Variants in SEPTIN7 observed in about 807,000 individuals in gnomAD.
SEPTIN7 encodes septin-7.
Under a neutral mutation model 63.3 loss-of-function variants are expected in SEPTIN7, and 10 were observed. The observed-to-expected ratio is 0.16, with a 90% CI of 0.10 to 0.27. SEPTIN7 has a LOEUF of 0.27. SEPTIN7 is among the 10% of genes least tolerant of loss of function. The pLI is 1.00. For missense variants in SEPTIN7, 310 were observed against 521.0 expected (o/e 0.59, Z 3.94); for synonymous variants, 131 against 165.3 (o/e 0.79, Z 1.59).
chr7:35,817,546 A>T (rs537005433), intron 1 of SEPTIN7, among the ~76,000 whole-genome samples: 9 of 152,178 alleles, frequency 5.9e-5, no homozygotes, highest in African/African-American at 1.2e-4. Context: ...CGTCTGAACT[A>T]TAGGCTTAGT....
chr7:35,913,159 G>A, the SEPTIN7 span, among the ~76,000 whole-genome samples: 150,048 of 152,172 alleles, frequency 0.99, 74,021 homozygotes, highest in East Asian at 1. Context: ...ATCTTCCTCA[G>A]AGGGTTATGG....
At chr7:35,893,430 TAC>T (rs1352078797) in intron 11 of SEPTIN7, among the ~76,000 whole-genome samples, 1 of 152,176 alleles carries the variant, frequency 6.6e-6, no homozygotes, top group African/African-American at 2.4e-5. Flanking sequence ...AATAGTAAAA[TAC>T]ATTCATGTGC....
chr7:35,856,672 C>T (rs1391390156), intron 3 of SEPTIN7, among the ~76,000 whole-genome samples: 1 of 152,132 alleles, frequency 6.6e-6, no homozygotes, highest in Non-Finnish European at 1.5e-5. Flanking sequence ...CTGAATGAGA[C>T]TGGGCTCTTT....
intron 3 of SEPTIN7, among the ~76,000 whole-genome samples, chr7:35,841,453 A>G (rs967945695): frequency 1.3e-5 from 2 of 152,214 alleles, no homozygotes; most frequent in Non-Finnish European, 2.9e-5. Context: ...AAGAAACTCC[A>G]GTGTCGAAAA....
rs573308675 is a variant in SEPTIN7, at chr7:35,834,566, C to G, written c.169+1666C>G. ...CCAAAGAAAAATAGGTGTTAATATCCTTACTTTCAAGTGTTAATATCCTTA... is the reference window on the plus strand; with the variant it reads ...CCAAAGAAAAATAGGTGTTAATATCGTTACTTTCAAGTGTTAATATCCTTA... On this transcript the variant is annotated intron_variant, in intron 3 of 13. Transcript: ENST00000350320. 2.6e-5 allele frequency among the ~76,000 whole-genome samples: 4 copies of G among 152,094 alleles called. No homozygotes were observed. In the South Asian group the frequency reaches 8.3e-4, roughly 31 times the overall value.
intron 11 of SEPTIN7, among the ~76,000 whole-genome samples, chr7:35,893,341 G>T (rs1787763134): frequency 6.6e-6 from 1 of 152,090 alleles, no homozygotes; most frequent in South Asian, 2.1e-4. Flanking sequence ...TTGATCTTTG[G>T]CAATGTATGT....
At chr7:35,870,792 T>C (rs2116205435) in intron 4 of SEPTIN7, among the ~76,000 whole-genome samples, 1 of 140,098 alleles carries the variant, frequency 7.1e-6, no homozygotes, top group Middle Eastern at 3.8e-3. Context: ...TGCCATGCAC[T>C]CCAGCCTGAG....
At position 35,866,733 on chromosome 7, in the gene SEPTIN7, G is replaced by A. The variant is rs1295938037; in HGVS notation, c.276+3075G>A. On this transcript the variant is annotated intron_variant, in intron 4 of 13. Transcript: ENST00000350320. ...AGTGAAGTTTTCAGTATTGATAGAA[G>A]CTCATTAAGATTAATTCTTAACCTC... 3.3e-5 allele frequency among the ~76,000 whole-genome samples: 5 copies of A among 152,160 alleles called. No homozygotes were observed. In the East Asian group the frequency reaches 9.6e-4, roughly 29 times the overall value.
chr7:35,812,719 C>T (rs1441308648), intron 1 of SEPTIN7, among the ~76,000 whole-genome samples: 1 of 152,120 alleles, frequency 6.6e-6, no homozygotes, highest in Non-Finnish European at 1.5e-5. Context: ...CCTCATTGTT[C>T]TTATGGCTTC....
downstream of SEPTIN7, among the ~76,000 whole-genome samples, chr7:35,908,355 A>G (rs1788673118): frequency 2.0e-5 from 3 of 152,220 alleles, no homozygotes; most frequent in African/African-American, 7.2e-5. Context: ...AATGAAGACT[A>G]TTCTTGGCCT....
rs1254340231 is a variant in SEPTIN7, at chr7:35,906,748, CCT to C, written c.*2459_*2460del. 6.6e-6 allele frequency: 1 copy of C among 152,202 alleles called. No individual in the cohort carries two copies. Among genetic ancestry groups the C allele is most frequent in the Middle Eastern group, 3.2e-3 (1 of 316 alleles). 9.4% of individuals were successfully genotyped at this position (152,202 alleles called of 1,614,324 possible). On this transcript the variant is annotated 3_prime_UTR_variant, in exon 14 of 14. Coordinates refer to ENST00000350320, the MANE Select transcript of SEPTIN7 (RefSeq NM_001788.6). Reference sequence around the variant, plus strand: ...CTTGAAAGCTGAGGAGATACCCATGCCTCTCAGACTCATTAGCTGGGTGTCAC... The same window carrying C: ...CTTGAAAGCTGAGGAGATACCCATGCCTCAGACTCATTAGCTGGGTGTCAC...
intron 3 of SEPTIN7, chr7:35,847,814 A>T (rs1026809079): frequency 2.6e-5 from 4 of 152,216 alleles, no homozygotes; most frequent in African/African-American, 9.7e-5. Context: ...TCCTTAGGGG[A>T]TACGTTTTGG....
chr7:35,890,613 C>CT (rs1171691120), intron 10 of SEPTIN7, 55 bp from the exon 11 acceptor site: 26 of 1,341,466 alleles, frequency 1.9e-5, no homozygotes, highest in African/African-American at 4.5e-5. Flanking sequence ...ACTTTTTAAG[C>CT]TTTTTTCCCC....
In SEPTIN7 at chr7:35,903,232, T is replaced by C. The variant is rs1186778226; in HGVS notation, c.1274+17T>C. On this transcript the variant is annotated intron_variant, in intron 13 of 13. Coordinates refer to ENST00000350320, the MANE Select transcript of SEPTIN7 (RefSeq NM_001788.6). ...CTCTTCAAGGTAACTAATAGCAGAT[T>C]ACTAAGAAATGTGTGTATTAATGTT... is the stretch of plus-strand genomic sequence containing the variant. The C allele has an allele frequency of 6.5e-7, 1 of 1,530,996 alleles. No homozygotes were observed. The highest frequency in any genetic ancestry group is 2.4e-5 in the East Asian group (1 of 42,404). The allele number at this position is 1,530,996 out of a possible 1,614,324, so 94.8% of individuals were successfully genotyped here.
At chr7:35,890,889 A>G in intron 11 of SEPTIN7, 96 bp downstream of exon 11, 1 of 1,102,060 alleles carries the variant, frequency 9.1e-7, no homozygotes, top group South Asian at 3.1e-5. Context: ...TACTCAGTAG[A>G]AAATTTGGAT....
rs969060324 is a variant in SEPTIN7 at position 35,812,143 on chromosome 7, CA to C, written c.61+10883del. 596 of 145,450 alleles carry C rather than the reference CA, an allele frequency of 4.1e-3. 1 individual carries two copies. Among genetic ancestry groups the C allele is most frequent in the Non-Finnish European group, 6.8e-3 (465 of 68,432 alleles). 9.0% of individuals were successfully genotyped at this position (145,450 alleles called of 1,614,324 possible). ...GTCTCCAAAACAAAAAAAAAAAAAA[CA>C]AAAAAAAAACAGTTTTTAGAGAGAT... On this transcript the variant is annotated intron_variant, in intron 1 of 13. Transcript: ENST00000350320.
chr7:35,897,234 A>C (rs1788007095), intron 11 of SEPTIN7, among the ~76,000 whole-genome samples: 1 of 152,236 alleles, frequency 6.6e-6, no homozygotes, highest in Non-Finnish European at 1.5e-5. Context: ...TTATGGAGGC[A>C]AAACAAGCAT....
chr7:35,897,229 G>C (rs958374159), intron 11 of SEPTIN7, among the ~76,000 whole-genome samples: 2 of 152,072 alleles, frequency 1.3e-5, no homozygotes, highest in African/African-American at 4.8e-5. Context: ...TGTTTTTATG[G>C]AGGCAAAACA....
chr7:35,818,127 C>T (rs912578710), intron 1 of SEPTIN7, among the ~76,000 whole-genome samples: 3 of 151,948 alleles, frequency 2.0e-5, no homozygotes, highest in South Asian at 4.2e-4. Flanking sequence ...CTGAGATGTT[C>T]TTTATGAGGT....
Sources: gnomAD v4.1 joint callset for allele counts (sites outside exome capture counted in the v4.1 genomes callset) on GRCh38, gnomAD v4.1.1 for gene constraint, MANE v1.5 for transcripts, NCBI Gene and HGNC (gene_info 2026-07-23, HGNC 2026-07-21) for gene names.